CEP70: variants seen among roughly 807,000 people sequenced by gnomAD.
CEP70 encodes the protein centrosomal protein 70, also known as centrosomal protein of 70 kDa.
A neutral mutation model predicts 90.9 loss-of-function variants in CEP70; 70 were observed. That is an observed-to-expected ratio of 0.77 (90% CI 0.64 to 0.94). The LOEUF is 0.94. CEP70 is among the 40% of genes least tolerant of loss of function. The probability of loss-of-function intolerance (pLI) is 0.00; values close to 1 mark genes in which losing one functional copy is unlikely to be tolerated. For synonymous variants in CEP70, 220 were observed against 228.3 expected (o/e 0.96, Z 0.33); for missense variants, 648 against 669.0 (o/e 0.97, Z 0.35).
At chr3:138,586,256 CA>C (rs2042100121) in intron 2 of CEP70, among the ~76,000 whole-genome samples, 1 of 152,132 alleles carries the variant, frequency 6.6e-6, no homozygotes, top group African/African-American at 2.4e-5. Context: ...CTCCCAGGTT[CA>C]AGCGATTCTC....
rs148372145 is a variant in CEP70, at chr3:138,555,274, T to C, written c.465+15044A>G. On this transcript the variant is annotated intron_variant, in intron 6 of 17. Transcript: ENST00000264982. ...AAAAAAAAAAAAAATCAACTCAAGATGGATCAAGGACTTAAATGACTTAAA... is the reference window on the plus strand; with the variant it reads ...AAAAAAAAAAAAAATCAACTCAAGACGGATCAAGGACTTAAATGACTTAAA... 6.4e-3 allele frequency among the ~76,000 whole-genome samples: 928 copies of C among 145,120 alleles called. 3 individuals carry two copies. Among genetic ancestry groups the C allele is most frequent in the Non-Finnish European group, 0.011 (704 of 66,608 alleles).
chr3:138,568,812 C>G (rs771521508), intron 6 of CEP70, among the ~76,000 whole-genome samples: 8 of 151,888 alleles, frequency 5.3e-5, no homozygotes, highest in Non-Finnish European at 1.2e-4. Flanking sequence ...AACCCCATCT[C>G]TACTAAAATA....
chr3:138,580,504 A>C (rs2041796458), intron 2 of CEP70, among the ~76,000 whole-genome samples: 1 of 152,158 alleles, frequency 6.6e-6, no homozygotes, highest in East Asian at 1.9e-4. Context: ...GTGACCAAAA[A>C]CTGAGATCAC....
chr3:138,543,010 A>G (rs185924917), intron 6 of CEP70, among the ~76,000 whole-genome samples: 96 of 152,304 alleles, frequency 6.3e-4, no homozygotes, highest in African/African-American at 2.0e-3. Flanking sequence ...TGACTGGTCC[A>G]TGGACAGCCA....
At position 138,537,200 on chromosome 3, in the gene CEP70, G is replaced by T; in HGVS notation, c.613C>A (p.Pro205Thr). The change falls in exon 7 of 18, where the codon CCT becomes ACT. Residue 205 changes from proline (P) to threonine (T), a missense_variant. Pro to Thr is a conservative substitution (Grantham distance 38). Transcript: ENST00000264982. ...RVFAYLCKRVPHTVLDRQLLC... is the reference protein window; with the variant it reads ...RVFAYLCKRVTHTVLDRQLLC... ...TACTGTCTATCCAAGACGGTATGAG[G>T]AACTCTTTTGCACAGATAGGCAAAC... 6.4e-7 allele frequency: 1 copy of T among 1,573,142 alleles called. No homozygotes were observed. The highest frequency in any genetic ancestry group is 1.4e-5 in the African/African-American group (1 of 72,390).
At chr3:138,574,168 G>A (rs13059817) in intron 2 of CEP70, among the ~76,000 whole-genome samples, 10,799 of 152,214 alleles carry the variant, frequency 0.071, 780 homozygotes, top group East Asian at 0.38. Flanking sequence ...GCAAGAGTAG[G>A]GAGATTACCC....
chr3:138,561,620 A>G lies in CEP70; in HGVS notation c.465+8698T>C, dbSNP rs551060200. Among the ~76,000 whole-genome samples the G allele has an allele frequency of 3.9e-5, 6 of 152,314 alleles. No individual in the cohort carries two copies. In the South Asian group the frequency reaches 1.2e-3, roughly 32 times the overall value. ...AGCTAAAGGAGCATGTTCTAACCCAATGCAAGGAAGCTAAGAACCTTGAAA... is the reference window on the plus strand; with the variant it reads ...AGCTAAAGGAGCATGTTCTAACCCAGTGCAAGGAAGCTAAGAACCTTGAAA... On this transcript the variant is annotated intron_variant, in intron 6 of 17. Coordinates refer to ENST00000264982, the MANE Select transcript of CEP70 (RefSeq NM_024491.4).
chr3:138,495,865 T>G, intron 17 of CEP70: 5 of 984,608 alleles, frequency 5.1e-6, no homozygotes, highest in Non-Finnish European at 6.0e-6. Flanking sequence ...AAAAAAACAA[T>G]TATCTGCCTA....
chr3:138,526,230 A>G (rs554509606), intron 10 of CEP70, among the ~76,000 whole-genome samples: 3 of 152,066 alleles, frequency 2.0e-5, no homozygotes, highest in Non-Finnish European at 4.4e-5. Context: ...GCACAAGTTC[A>G]GCTTACTGCA....
At chr3:138,557,810 T>A (rs952779861) in intron 6 of CEP70, among the ~76,000 whole-genome samples, 5 of 152,018 alleles carry the variant, frequency 3.3e-5, no homozygotes, top group African/African-American at 9.7e-5. Flanking sequence ...AAATAAAAAA[T>A]TTTTAAAAAA....
At chr3:138,525,762 C>T (rs2037166645) in intron 10 of CEP70, among the ~76,000 whole-genome samples, 198 bp from the exon 11 acceptor site, 1 of 152,072 alleles carries the variant, frequency 6.6e-6, no homozygotes, top group Admixed American at 6.6e-5. Context: ...TATTCAAAGC[C>T]TTTTAGTCGT....
chr3:138,553,292 A>T (rs2039755876), intron 6 of CEP70, among the ~76,000 whole-genome samples: 1 of 152,102 alleles, frequency 6.6e-6, no homozygotes, highest in Non-Finnish European at 1.5e-5. Context: ...ATCCTGGCTA[A>T]CACGGTGAAA....
At chr3:138,587,301 A>G (rs2042151743) in intron 2 of CEP70, among the ~76,000 whole-genome samples, 2 of 152,092 alleles carry the variant, frequency 1.3e-5, no homozygotes, top group South Asian at 4.1e-4. Flanking sequence ...AAAAAATTAA[A>G]AAGAAATGAA....
chr3:138,591,999 C>G (rs2042405902), intron 1 of CEP70, 43 bp from the exon 2 acceptor site: 4 of 658,778 alleles, frequency 6.1e-6, no homozygotes, highest in Non-Finnish European at 1.0e-5. Flanking sequence ...TTGAAATGTT[C>G]AACCTCCTAG....
At chr3:138,569,283 C>T (rs57752939) in intron 6 of CEP70, among the ~76,000 whole-genome samples, 7,290 of 152,162 alleles carry the variant, frequency 0.048, 565 homozygotes, top group African/African-American at 0.16. Context: ...CCAGACCCTG[C>T]CTGATGAATA....
intron 11 of CEP70, among the ~76,000 whole-genome samples, chr3:138,518,265 A>G (rs2036251244): frequency 6.6e-6 from 1 of 152,220 alleles, no homozygotes; most frequent in Non-Finnish European, 1.5e-5. Flanking sequence ...GGCAGGGCAT[A>G]GCCAAACAAA....
intron 6 of CEP70, among the ~76,000 whole-genome samples, chr3:138,541,287 C>T (rs2038741619): frequency 6.6e-6 from 1 of 151,786 alleles, no homozygotes; most frequent in Non-Finnish European, 1.5e-5. Context: ...CTAAAAGCAT[C>T]AAGAGAAAAG....
intron 6 of CEP70, among the ~76,000 whole-genome samples, chr3:138,565,476 G>T (rs1043381024): frequency 6.6e-6 from 1 of 152,054 alleles, no homozygotes; most frequent in Non-Finnish European, 1.5e-5. Context: ...GCATGGTAAG[G>T]GTACCAAAAC....
chr3:138,590,749 T>G (rs947579718), intron 2 of CEP70, among the ~76,000 whole-genome samples: 7 of 151,826 alleles, frequency 4.6e-5, no homozygotes, highest in African/African-American at 1.7e-4. Context: ...AGACAGAGGT[T>G]GCAGACAGCT....
Sources: gnomAD v4.1 joint callset for allele counts (sites outside exome capture counted in the v4.1 genomes callset) on GRCh38, gnomAD v4.1.1 for gene constraint, MANE v1.5 for transcripts, NCBI Gene and HGNC (gene_info 2026-07-23, HGNC 2026-07-21) for gene names.